Variants in CDH13 observed in about 807,000 individuals in gnomAD.
The protein encoded by CDH13 is cadherin 13.
In CDH13, 24 loss-of-function variants were observed where a neutral mutation model predicts 63.8. That is an observed-to-expected ratio of 0.38 (90% CI 0.27 to 0.53). The LOEUF (loss-of-function observed/expected upper bound fraction) is 0.53, where lower values mean the gene tolerates loss of function less well. CDH13 is among the 20% of genes least tolerant of loss of function. The pLI is 0.85. For synonymous variants in CDH13, 503 were observed against 355.3 expected (o/e 1.42, Z -4.67); for missense variants, 1,049 against 903.1 (o/e 1.16, Z -2.07).
chr16:83,800,124 C>A lies in CDH13; in HGVS notation c.*5094C>A, dbSNP rs1393672345. 1 of 152,128 alleles carries A rather than the reference C, an allele frequency of 6.6e-6. No homozygotes were observed. Among genetic ancestry groups the A allele is most frequent in the Admixed American group, 6.5e-5 (1 of 15,274 alleles). The allele number at this position is 152,128 out of a possible 1,614,324, so 9.4% of individuals were successfully genotyped here. A position where few individuals can be genotyped will look rare whatever the true frequency, so the allele number is the denominator to read the frequency against. ...TTATTTGACTTTCCACGTGCCGTCT[C>A]ATTGGTAGGGAGATGGTGAAAAGCG... On this transcript the variant is annotated 3_prime_UTR_variant, in exon 14 of 14. Transcript: ENST00000567109.
chr16:82,674,524 C>G (rs947784598), intron 1 of CDH13, among the ~76,000 whole-genome samples: 4 of 152,190 alleles, frequency 2.6e-5, no homozygotes, highest in African/African-American at 9.7e-5. Flanking sequence ...GGGCAAGTGC[C>G]TGAGTTGAAA....
At chr16:82,801,726 G>C (rs1039123401) in intron 1 of CDH13, among the ~76,000 whole-genome samples, 3 of 152,182 alleles carry the variant, frequency 2.0e-5, no homozygotes, top group Admixed American at 6.5e-5. Context: ...ATTATTCCAT[G>C]TTACTTCAAT....
At chr16:82,980,010 G>T (rs141865938) in intron 2 of CDH13, among the ~76,000 whole-genome samples, 2 of 152,028 alleles carry the variant, frequency 1.3e-5, no homozygotes, top group Non-Finnish European at 2.9e-5. Flanking sequence ...TTTTATAAAG[G>T]GGCAGTTTAT....
At chr16:82,992,487 G>T (rs561282240) in intron 2 of CDH13, among the ~76,000 whole-genome samples, 38 of 152,224 alleles carry the variant, frequency 2.5e-4, no homozygotes, top group South Asian at 1.5e-3. Flanking sequence ...ACCAGTCAAG[G>T]GGCAGGGTGG....
intron 5 of CDH13, among the ~76,000 whole-genome samples, chr16:83,318,312 C>T (rs561403603): frequency 1.1e-4 from 17 of 152,252 alleles, no homozygotes; most frequent in African/African-American, 3.6e-4. Context: ...TAAATCTAAT[C>T]ACTCCATTTT....
At chr16:83,573,755 A>G (rs1904857361) in intron 7 of CDH13, among the ~76,000 whole-genome samples, 1 of 152,224 alleles carries the variant, frequency 6.6e-6, no homozygotes, top group Non-Finnish European at 1.5e-5. Flanking sequence ...TAGATTCTTT[A>G]ATGGCAAAAA....
intron 5 of CDH13, among the ~76,000 whole-genome samples, chr16:83,300,796 C>A (rs2089715806): frequency 6.6e-6 from 1 of 152,114 alleles, no homozygotes; most frequent in Non-Finnish European, 1.5e-5. Context: ...AATTATCCAG[C>A]TGCATTCTTA....
intron 1 of CDH13, among the ~76,000 whole-genome samples, chr16:82,808,375 T>A (rs79557290): frequency 1.3e-5 from 2 of 152,308 alleles, no homozygotes; most frequent in Non-Finnish European, 2.9e-5. Flanking sequence ...ATTACAGATA[T>A]AATTTGTGGA....
chr16:82,682,675 G>A (rs1914670486), intron 1 of CDH13, among the ~76,000 whole-genome samples: 1 of 152,190 alleles, frequency 6.6e-6, no homozygotes, highest in African/African-American at 2.4e-5. Context: ...TCTCCAAGGA[G>A]CAAGGTTGTA....
At chr16:83,114,637 C>A (rs1366712076) in intron 3 of CDH13, among the ~76,000 whole-genome samples, 3 of 152,158 alleles carry the variant, frequency 2.0e-5, no homozygotes, top group Admixed American at 1.3e-4. Flanking sequence ...TGATATGTGG[C>A]CTCTAGAATA....
intron 1 of CDH13, among the ~76,000 whole-genome samples, chr16:82,839,089 C>T (rs1388766793): frequency 6.6e-6 from 1 of 152,198 alleles, no homozygotes; most frequent in Non-Finnish European, 1.5e-5. Flanking sequence ...TAAGATGTGG[C>T]CCGTGGGCTT....
chr16:83,450,693 AC>A (rs1212989492), intron 6 of CDH13, among the ~76,000 whole-genome samples: 2 of 152,086 alleles, frequency 1.3e-5, no homozygotes, highest in Non-Finnish European at 2.9e-5. Flanking sequence ...ACATAGTGAA[AC>A]CCTGTCTCTA....
At chr16:83,312,066 CAAAAAAAAA>C (rs5818437) in intron 5 of CDH13, among the ~76,000 whole-genome samples, 3 of 94,954 alleles carry the variant, frequency 3.2e-5, no homozygotes, top group East Asian at 3.1e-4. Flanking sequence ...AACTCCATCT[CAAAAAAAAA>C]AAAAAAAAAA....
intron 4 of CDH13, among the ~76,000 whole-genome samples, chr16:83,169,119 T>C (rs1334569150): frequency 3.9e-5 from 6 of 152,106 alleles, no homozygotes; most frequent in Non-Finnish European, 7.4e-5. Context: ...CTATGGTATA[T>C]GACATCTATG....
chr16:82,712,926 C>T (rs940583401), intron 1 of CDH13, among the ~76,000 whole-genome samples: 1 of 152,102 alleles, frequency 6.6e-6, no homozygotes, highest in African/African-American at 2.4e-5. Flanking sequence ...TGTCCTATCT[C>T]CTCTCCTAGA....
intron 1 of CDH13, among the ~76,000 whole-genome samples, chr16:82,648,345 T>C (rs1220003939): frequency 3.3e-5 from 5 of 152,222 alleles, no homozygotes; most frequent in Admixed American, 1.3e-4. Flanking sequence ...GTATGTGAAA[T>C]AGTAATAATA....
At chr16:82,911,007 T>G (rs74030001) in intron 2 of CDH13, among the ~76,000 whole-genome samples, 6,640 of 152,210 alleles carry the variant, frequency 0.044, 458 homozygotes, top group African/African-American at 0.15. Context: ...CTGAGGTTGG[T>G]GTACACTCAG....
intron 1 of CDH13, among the ~76,000 whole-genome samples, chr16:82,770,816 G>A (rs1003709284): frequency 9.9e-5 from 15 of 151,966 alleles, no homozygotes; most frequent in African/African-American, 3.4e-4. Flanking sequence ...CAAGCAATTC[G>A]CCTGCCTCAG....
At chr16:83,136,630 A>G (rs987315639) in intron 4 of CDH13, among the ~76,000 whole-genome samples, 8 of 152,160 alleles carry the variant, frequency 5.3e-5, no homozygotes, top group African/African-American at 2.4e-5. Flanking sequence ...CTGGGCTCTC[A>G]TAGCTGTTCC....
Sources: gnomAD v4.1 joint callset for allele counts (sites outside exome capture counted in the v4.1 genomes callset) on GRCh38, gnomAD v4.1.1 for gene constraint, MANE v1.5 for transcripts, NCBI Gene and HGNC (gene_info 2026-07-23, HGNC 2026-07-21) for gene names.